STK33: variants seen among roughly 807,000 people sequenced by gnomAD.
STK33 encodes serine/threonine-protein kinase 33.
Under a neutral mutation model 58.0 loss-of-function variants are expected in STK33, and 52 were observed. That is an observed-to-expected ratio of 0.90 (90% CI 0.72 to 1.13). STK33 has a LOEUF of 1.13. STK33 is among the 50% of genes most tolerant of loss of function. The pLI, the probability that STK33 is intolerant of heterozygous loss-of-function variation, is 0.00. For missense variants in STK33, 630 were observed against 604.2 expected (o/e 1.04, Z -0.45); for synonymous variants, 215 against 200.1 (o/e 1.07, Z -0.63).
chr11:8,344,229 A>ACC, the STK33 span, among the ~76,000 whole-genome samples: 4 of 150,372 alleles, frequency 2.7e-5, no homozygotes, highest in African/African-American at 7.4e-5. Context: ...ACACACACAC[A>ACC]CCCCAGTTAG....
intron 1 of STK33, among the ~76,000 whole-genome samples, chr11:8,491,591 G>A (rs560174238): frequency 1.3e-5 from 2 of 151,720 alleles, no homozygotes; most frequent in South Asian, 4.2e-4. Context: ...GAAATACAGA[G>A]AACACCATAA....
intron 1 of STK33, among the ~76,000 whole-genome samples, chr11:8,553,174 A>ATATATATATATATATATATATATGGTG (rs1326439178): frequency 0.013 from 870 of 67,552 alleles, 16 homozygotes; most frequent in Non-Finnish European, 0.016. Context: ...TAAAATATAT[A>ATATATATATATATATATATATATGGTG]TATATATATA....
intron 1 of STK33, among the ~76,000 whole-genome samples, chr11:8,585,975 C>T (rs1042968254): frequency 6.6e-6 from 1 of 152,072 alleles, no homozygotes; most frequent in African/African-American, 2.4e-5. Context: ...ATCGCTTGAA[C>T]CTGGGAGGTG....
At chr11:8,481,494 C>CA (rs1406023728) in intron 1 of STK33, among the ~76,000 whole-genome samples, 1 of 152,116 alleles carries the variant, frequency 6.6e-6, no homozygotes, top group Non-Finnish European at 1.5e-5. Flanking sequence ...TTGGAGCTTA[C>CA]AAATACAATA....
the STK33 span, among the ~76,000 whole-genome samples, chr11:8,385,940 A>G: frequency 6.6e-6 from 1 of 151,876 alleles, no homozygotes; most frequent in Non-Finnish European, 1.5e-5. Context: ...ACGCCCGGCT[A>G]ATTTTTTGTA....
At chr11:8,474,591 C>G (rs1468026422) in intron 5 of STK33, 90 bp downstream of exon 5, 1 of 920,800 alleles carries the variant, frequency 1.1e-6, no homozygotes, top group African/African-American at 1.7e-5. Context: ...AATTAGCTAA[C>G]AAGAACTCAT....
At chr11:8,373,350 G>T in the STK33 span, among the ~76,000 whole-genome samples, 3 of 152,166 alleles carry the variant, frequency 2.0e-5, no homozygotes, top group Admixed American at 6.5e-5. Context: ...ACTGCTGGGG[G>T]TGTGGAGCCC....
At chr11:8,344,230 C>CACACACACACACACAA in the STK33 span, among the ~76,000 whole-genome samples, 1 of 147,502 alleles carries the variant, frequency 6.8e-6, no homozygotes, top group Non-Finnish European at 1.5e-5. Flanking sequence ...CACACACACA[C>CACACACACACACACAA]CCCAGTTAGC....
intron 2 of STK33, among the ~76,000 whole-genome samples, chr11:8,478,394 A>T (rs1949483220): frequency 6.6e-6 from 1 of 152,192 alleles, no homozygotes; most frequent in African/African-American, 2.4e-5. Flanking sequence ...GACATAATAT[A>T]AGCAAATAAA....
At chr11:8,582,187 A>T (rs917338044) in intron 1 of STK33, among the ~76,000 whole-genome samples, 6 of 152,264 alleles carry the variant, frequency 3.9e-5, no homozygotes, top group South Asian at 4.1e-4. Flanking sequence ...CTGTATTTTT[A>T]AAAAAATCAA....
In STK33 at chr11:8,392,417, CAGCA is replaced by C. The variant is rs1202699373; in HGVS notation, c.*89_*92del. On this transcript the variant is annotated 3_prime_UTR_variant, in exon 16 of 16. Coordinates refer to ENST00000687296, the MANE Select transcript of STK33 (RefSeq NM_001352389.2). ...CTGTGGAGCTAAAAGGCTACAAGCT[CAGCA>C]TAGGGCTGTCTTCTTCCCCTCCTAC... 4.1e-5 allele frequency: 58 copies of C among 1,431,238 alleles called. No individual in the cohort carries two copies. Among genetic ancestry groups the C allele is most frequent in the Non-Finnish European group, 5.1e-5 (53 of 1,035,738 alleles). 88.7% of individuals were successfully genotyped at this position (1,431,238 alleles called of 1,614,324 possible).
intron 11 of STK33, 46 bp from the exon 12 acceptor site, chr11:8,440,799 G>A (rs1327805350): frequency 1.3e-6 from 2 of 1,512,486 alleles, no homozygotes; most frequent in East Asian, 2.5e-5. Context: ...TACAATAAAT[G>A]TCTTTTAAAT....
At chr11:8,427,995 T>C (rs1942974578) in intron 14 of STK33, among the ~76,000 whole-genome samples, 1 of 152,212 alleles carries the variant, frequency 6.6e-6, no homozygotes, top group African/African-American at 2.4e-5. Flanking sequence ...TCCTGGCCCT[T>C]GGCCTTGGGA....
intron 1 of STK33, among the ~76,000 whole-genome samples, chr11:8,573,146 AT>A (rs1384961912): frequency 1.3e-5 from 2 of 152,064 alleles, no homozygotes; most frequent in African/African-American, 4.8e-5. Flanking sequence ...GATCCTGTTA[AT>A]TATTAAAAAG....
intron 1 of STK33, among the ~76,000 whole-genome samples, chr11:8,492,684 C>G (rs1950719736): frequency 6.6e-6 from 1 of 152,096 alleles, no homozygotes; most frequent in South Asian, 2.1e-4. Context: ...CAAAATTGAC[C>G]ACATAGTTGG....
chr11:8,336,257 C>T, the STK33 span, among the ~76,000 whole-genome samples: 1 of 152,254 alleles, frequency 6.6e-6, no homozygotes, highest in African/African-American at 2.4e-5. Flanking sequence ...GAGACAACGA[C>T]AGCACCTGTT....
intron 1 of STK33, among the ~76,000 whole-genome samples, chr11:8,519,300 A>C (rs1248209920): frequency 6.6e-6 from 1 of 152,246 alleles, no homozygotes; most frequent in African/African-American, 2.4e-5. Context: ...CAATGAGAAC[A>C]AAGACACAAC....
the STK33 span, among the ~76,000 whole-genome samples, chr11:8,355,466 G>T: frequency 3.9e-5 from 6 of 152,366 alleles, no homozygotes; most frequent in South Asian, 1.2e-3. Flanking sequence ...CCACTGGGTC[G>T]CACAACTGGT....
rs563434262 is a variant in STK33 at position 8,490,122 on chromosome 11, C to T, written c.-465-9508G>A. Among the ~76,000 whole-genome samples the T allele has an allele frequency of 3.9e-5, 6 of 152,330 alleles. No homozygotes were observed. The East Asian group carries it at 9.7e-4, about 25-fold the overall frequency. ...GCCGAAGCAGGGCGAGGCGTTGCCT[C>T]ACCCAGGAAGTGCAGGGGTCGAGGG... On this transcript the variant is annotated intron_variant, in intron 1 of 15. Coordinates refer to ENST00000687296, the MANE Select transcript of STK33 (RefSeq NM_001352389.2).
Sources: allele counts gnomAD v4.1 joint callset (sites outside exome capture counted in the v4.1 genomes callset), GRCh38; gene constraint gnomAD v4.1.1; transcripts MANE v1.5; gene names NCBI Gene and HGNC (gene_info 2026-07-23, HGNC 2026-07-21).